Variants in GNPTAB observed in about 807,000 individuals in gnomAD.
GNPTAB encodes the protein N-acetylglucosamine-1-phosphate transferase subunits alpha and beta.
GNPTAB carries 92 observed loss-of-function variants against 136.6 expected under a neutral mutation model. The ratio of observed to expected loss-of-function variants is 0.67; its 90% confidence interval spans 0.57 to 0.80. GNPTAB has a LOEUF of 0.80. GNPTAB is among the 30% of genes least tolerant of loss of function. The pLI is 0.00. For synonymous variants in GNPTAB, 512 were observed against 535.1 expected, an observed-to-expected ratio of 0.96 and a Z score of 0.60; for missense variants, 1,343 against 1,501.8, an observed-to-expected ratio of 0.89 and a Z score of 1.75.
intron 1 of GNPTAB, 105 bp downstream of exon 1, chr12:101,830,454 G>A: frequency 1.4e-6 from 1 of 698,952 alleles, no homozygotes. Context: ...GCAAAACCCC[G>A]TCTCTAATAA....
At chr12:101,747,447 A>C (rs1049171887) in intron 20 of GNPTAB, among the ~76,000 whole-genome samples, 7 of 152,214 alleles carry the variant, frequency 4.6e-5, no homozygotes, top group African/African-American at 1.4e-4. Flanking sequence ...GTATGCCTAG[A>C]TATGTGCCCA....
At chr12:101,819,317 C>T (rs1387538877) in intron 1 of GNPTAB, among the ~76,000 whole-genome samples, 2 of 152,024 alleles carry the variant, frequency 1.3e-5, no homozygotes, top group Admixed American at 6.6e-5. Context: ...TGGCCTAAAC[C>T]TCTTTTTCTT....
At position 101,773,250 on chromosome 12, in the gene GNPTAB, T is replaced by C. The variant is rs73392489; in HGVS notation, c.772-2093A>G. On this transcript the variant is annotated intron_variant, in intron 7 of 20. Coordinates refer to ENST00000299314, the MANE Select transcript of GNPTAB (RefSeq NM_024312.5). Reference sequence around the variant, plus strand: ...CTTCTTACTACCTGTTTTTAATTCCTTGATATTTTCTTCTGATTTATAATA... The same window carrying C: ...CTTCTTACTACCTGTTTTTAATTCCCTGATATTTTCTTCTGATTTATAATA... 1,114 of 199,272 alleles carry C rather than the reference T, an allele frequency of 5.6e-3. 9 individuals carry two copies. The highest frequency in any genetic ancestry group is 0.025 in the African/African-American group (1,049 of 42,320). The allele number at this position is 199,272 out of a possible 1,614,324, so 12.3% of individuals were successfully genotyped here. A position where few individuals can be genotyped will look rare whatever the true frequency, so the allele number is the denominator to read the frequency against.
At chr12:101,759,414 A>G (rs1191653512) in intron 16 of GNPTAB, among the ~76,000 whole-genome samples, 4 of 148,574 alleles carry the variant, frequency 2.7e-5, no homozygotes, top group Non-Finnish European at 4.4e-5. Flanking sequence ...CCTGAAAATA[A>G]AGCTTAAAAA....
intron 7 of GNPTAB, among the ~76,000 whole-genome samples, chr12:101,775,688 T>C (rs1953254031): frequency 6.6e-6 from 1 of 150,996 alleles, no homozygotes; most frequent in African/African-American, 2.4e-5. Context: ...TACGTCCTGG[T>C]GGTTTTCTAA....
At chr12:101,798,912 G>A (rs1354938816) in intron 1 of GNPTAB, among the ~76,000 whole-genome samples, 2 of 152,166 alleles carry the variant, frequency 1.3e-5, no homozygotes, top group African/African-American at 4.8e-5. Flanking sequence ...GCCGATGGAA[G>A]TGCTCCCAAG....
intron 7 of GNPTAB, chr12:101,773,412 G>A (rs904529303): frequency 1.9e-5 from 5 of 268,454 alleles, no homozygotes; most frequent in Non-Finnish European, 3.7e-5. Flanking sequence ...TTCACTTTGC[G>A]AAGGTCCAGG....
At chr12:101,774,047 A>T (rs1033174068) in intron 7 of GNPTAB, among the ~76,000 whole-genome samples, 5 of 152,266 alleles carry the variant, frequency 3.3e-5, no homozygotes, top group Admixed American at 6.5e-5. Context: ...TTGAGATTCC[A>T]GAATGTTTGT....
chr12:101,755,244 T>C (rs57626758), intron 18 of GNPTAB, among the ~76,000 whole-genome samples: 1,714 of 152,110 alleles, frequency 0.011, 41 homozygotes, highest in African/African-American at 0.039. Context: ...CAAATAGAAA[T>C]GGAAGTAAAT....
chr12:101,752,151 C>T lies in GNPTAB; in HGVS notation c.3602+1221G>A, dbSNP rs540789147. 3.3e-5 allele frequency among the ~76,000 whole-genome samples: 5 copies of T among 152,206 alleles called. 1 individual carries two copies. Among genetic ancestry groups the T allele is most frequent in the African/African-American group, 9.6e-5 (4 of 41,540 alleles). On this transcript the variant is annotated intron_variant, in intron 19 of 20. Coordinates refer to ENST00000299314, the MANE Select transcript of GNPTAB (RefSeq NM_024312.5). Reference sequence around the variant, plus strand: ...TAAGAATGAAAATTAGGGCCGGATACGGTGGCTCAGGCCTGTAATCCCAGT... The same window carrying T: ...TAAGAATGAAAATTAGGGCCGGATATGGTGGCTCAGGCCTGTAATCCCAGT...
rs1471648677 is a variant in GNPTAB at position 101,746,255 on chromosome 12, C to A, written c.*909G>T. The A allele has an allele frequency of 6.6e-6, 1 of 151,358 alleles. No homozygotes were observed. The highest frequency in any genetic ancestry group is 2.4e-5 in the African/African-American group (1 of 41,384). 9.4% of individuals were successfully genotyped at this position (151,358 alleles called of 1,614,324 possible). A position where few individuals can be genotyped will look rare whatever the true frequency, so the allele number is the denominator to read the frequency against. Reference sequence around the variant, plus strand: ...CAATAATTTACTAACCAGCCTTTTACAAAGAAAGTTTGCTGGCCTCTGTTC... The same window carrying A: ...CAATAATTTACTAACCAGCCTTTTAAAAAGAAAGTTTGCTGGCCTCTGTTC... On this transcript the variant is annotated 3_prime_UTR_variant, in exon 21 of 21. Transcript: ENST00000299314.
intron 1 of GNPTAB, 118 bp from the exon 2 acceptor site, chr12:101,796,880 G>A (rs1869324601): frequency 2.8e-6 from 2 of 715,062 alleles, no homozygotes; most frequent in East Asian, 5.1e-5. Context: ...CAAAATTCAT[G>A]TATTCACTTA....
rs1404720248 is a variant in GNPTAB at position 101,765,223 on chromosome 12, T to C, written c.1694A>G (p.Tyr565Cys). ...YIIPKGECLPYFSFAEVAKRG... is the reference protein window; with the variant it reads ...YIIPKGECLPCFSFAEVAKRG... ...TTTGGCTACTTCTGCAAAGCTGAAA[T>C]AAGGCAGGCATTCACCTTTTGGAAT... is the stretch of plus-strand genomic sequence containing the variant. The change falls in exon 13 of 21, where the codon TAT becomes TGT. Residue 565 changes from tyrosine to cysteine, a missense_variant. Coordinates refer to ENST00000299314, the MANE Select transcript of GNPTAB (RefSeq NM_024312.5). The C allele has an allele frequency of 1.2e-6, 2 of 1,613,932 alleles. No individual in the cohort carries two copies. The highest frequency in any genetic ancestry group is 1.7e-6 in the Non-Finnish European group (2 of 1,179,920).
At chr12:101,830,497 G>T in intron 1 of GNPTAB, 62 bp downstream of exon 1, 1 of 876,670 alleles carries the variant, frequency 1.1e-6, no homozygotes, top group Non-Finnish European at 1.9e-6. Context: ...GGGCATCGCG[G>T]GGCACGGCGA....
At chr12:101,751,198 T>C (rs11110996) in intron 19 of GNPTAB, among the ~76,000 whole-genome samples, 2,340 of 152,364 alleles carry the variant, frequency 0.015, 63 homozygotes, top group African/African-American at 0.054. Context: ...TCTGTGCCTT[T>C]GCACATGCCA....
At chr12:101,755,429 T>A (rs1406395023) in intron 18 of GNPTAB, among the ~76,000 whole-genome samples, 1 of 152,076 alleles carries the variant, frequency 6.6e-6, no homozygotes, top group Non-Finnish European at 1.5e-5. Context: ...GAGCCTTGAG[T>A]GTATCTTGGA....
chr12:101,826,950 GTTTTTTTTTTTTTTTT>G (rs902178707), intron 1 of GNPTAB, among the ~76,000 whole-genome samples: 7 of 62,350 alleles, frequency 1.1e-4, no homozygotes, highest in Non-Finnish European at 1.8e-4. Context: ...TGTGGGAGTT[GTTTTTTTTTTTTTTTT>G]TTTTTTTTTT....
intron 11 of GNPTAB, among the ~76,000 whole-genome samples, chr12:101,767,680 T>C (rs757096658): frequency 6.6e-6 from 1 of 152,226 alleles, no homozygotes; most frequent in Non-Finnish European, 1.5e-5. Flanking sequence ...TAGAGTACAA[T>C]GGTGCAATCA....
intron 18 of GNPTAB, among the ~76,000 whole-genome samples, chr12:101,756,019 G>A (rs1952895963): frequency 6.6e-6 from 1 of 152,164 alleles, no homozygotes; most frequent in African/African-American, 2.4e-5. Context: ...GGGGAAGTCT[G>A]TACTCCCATC....
Sources: allele counts gnomAD v4.1 joint callset (sites outside exome capture counted in the v4.1 genomes callset), GRCh38; gene constraint gnomAD v4.1.1; transcripts MANE v1.5; gene names NCBI Gene and HGNC (gene_info 2026-07-23, HGNC 2026-07-21).